ATP6V1A: variants seen among roughly 807,000 people sequenced by gnomAD.
ATP6V1A encodes ATPase H+ transporting V1 subunit A.
In ATP6V1A, 18 loss-of-function variants were observed where a neutral mutation model predicts 70.1. That is an observed-to-expected ratio of 0.26 (90% CI 0.18 to 0.38). ATP6V1A has a LOEUF of 0.38. Among genes scored for constraint, ATP6V1A ranks in the 10% least tolerant of loss-of-function variants. ATP6V1A has a pLI of 1.00. For missense variants in ATP6V1A, 424 were observed against 772.4 expected (o/e 0.55, Z 5.35); for synonymous variants, 232 against 253.8 (o/e 0.91, Z 0.82).
intron 1 of ATP6V1A, among the ~76,000 whole-genome samples, chr3:113,756,433 A>G (rs144212736): frequency 7.9e-5 from 12 of 152,256 alleles, no homozygotes; most frequent in African/African-American, 2.9e-4. Flanking sequence ...ATTGCTCTCC[A>G]ATTTAGGGAT....
intron 12 of ATP6V1A, among the ~76,000 whole-genome samples, chr3:113,802,474 GCGCCCTACCACACCT>G (rs1367666557): frequency 6.6e-6 from 1 of 151,630 alleles, no homozygotes; most frequent in East Asian, 2.0e-4. Context: ...GGGACTACAG[GCGCCCTACCACACCT>G]AGCTAATTTT....
intron 8 of ATP6V1A, among the ~76,000 whole-genome samples, chr3:113,792,353 T>G (rs767453961): frequency 7.9e-5 from 12 of 152,108 alleles, no homozygotes; most frequent in Admixed American, 3.9e-4. Context: ...TTTTTTTTCC[T>G]TAGAGACAGG....
rs376163281 is a variant in ATP6V1A at position 113,757,977 on chromosome 3, C to G, written c.-14+10864C>G. Among the ~76,000 whole-genome samples the G allele has an allele frequency of 1.7e-4, 26 of 152,268 alleles. No individual in the cohort carries two copies. The South Asian group carries it at 2.7e-3, about 16-fold the overall frequency. ...TGGCCAACATGGTGAAACCCCATCT[C>G]TACTGAAAATACAAAAATTAGCTGG... On this transcript the variant is annotated intron_variant, in intron 1 of 14. Coordinates refer to ENST00000273398, the MANE Select transcript of ATP6V1A (RefSeq NM_001690.4).
rs1223587200 is a variant in ATP6V1A, at chr3:113,784,761, C to T, written c.492C>T (p.His164=). 1 of 1,613,958 alleles carries T rather than the reference C, an allele frequency of 6.2e-7. No homozygotes were observed. Among genetic ancestry groups the T allele is most frequent in the Non-Finnish European group, 8.5e-7 (1 of 1,179,978 alleles). Reference sequence around the variant, plus strand: ...TCAGTGAGAACTCGCTTATCAAACACAAAATCATGTTACCCCCACGAAACA... The same window carrying T: ...TCAGTGAGAACTCGCTTATCAAACATAAAATCATGTTACCCCCACGAAACA... The part of the protein sequence containing the change: ...GIVSENSLIK[H]KIMLPPRNRG... Residue 164 remains histidine (H), a synonymous_variant, in exon 5 of 15, where the codon CAC becomes CAT. Transcript: ENST00000273398.
At chr3:113,782,395 C>T (rs1422831216) in intron 3 of ATP6V1A, among the ~76,000 whole-genome samples, 2 of 151,568 alleles carry the variant, frequency 1.3e-5, no homozygotes, top group Admixed American at 6.6e-5. Context: ...TGTATCTAGC[C>T]GTTTATCAAA....
intron 1 of ATP6V1A, among the ~76,000 whole-genome samples, chr3:113,750,586 GT>G (rs1426466351): frequency 6.6e-6 from 1 of 152,230 alleles, no homozygotes; most frequent in Non-Finnish European, 1.5e-5. Context: ...TAGAGACCTA[GT>G]TGAAGTTCTG....
intron 6 of ATP6V1A, among the ~76,000 whole-genome samples, chr3:113,786,907 T>G (rs1709045992): frequency 6.6e-6 from 1 of 151,990 alleles, no homozygotes; most frequent in Non-Finnish European, 1.5e-5. Flanking sequence ...CCCTCCTGAG[T>G]AGCTGGGACC....
intron 1 of ATP6V1A, among the ~76,000 whole-genome samples, chr3:113,751,835 T>G (rs1379531239): frequency 6.6e-6 from 1 of 151,808 alleles, no homozygotes; most frequent in Non-Finnish European, 1.5e-5. Flanking sequence ...TTTAGAATAA[T>G]GATTTATTTA....
At chr3:113,752,965 A>G (rs1305014793) in intron 1 of ATP6V1A, among the ~76,000 whole-genome samples, 1 of 152,164 alleles carries the variant, frequency 6.6e-6, no homozygotes, top group Non-Finnish European at 1.5e-5. Context: ...TAGGAAACCT[A>G]AAAGTCATAA....
At chr3:113,767,838 A>G (rs1425413088) in intron 1 of ATP6V1A, among the ~76,000 whole-genome samples, 3 of 152,136 alleles carry the variant, frequency 2.0e-5, no homozygotes, top group Admixed American at 1.3e-4. Flanking sequence ...TTTTTAGTAG[A>G]GAGAGGGTTT....
At chr3:113,789,001 T>A in intron 7 of ATP6V1A, 126 bp downstream of exon 7, 1 of 849,324 alleles carries the variant, frequency 1.2e-6, no homozygotes, top group South Asian at 1.7e-5. Flanking sequence ...TTAAGGAATT[T>A]TAAAATTATA....
At chr3:113,792,819 G>A (rs1337342554) in intron 8 of ATP6V1A, among the ~76,000 whole-genome samples, 3 of 152,230 alleles carry the variant, frequency 2.0e-5, no homozygotes, top group Middle Eastern at 3.4e-3. Flanking sequence ...TCAAAGATAC[G>A]GAAAAGTTGA....
intron 1 of ATP6V1A, among the ~76,000 whole-genome samples, chr3:113,764,068 T>C (rs1333656553): frequency 1.3e-5 from 2 of 152,000 alleles, no homozygotes; most frequent in Non-Finnish European, 2.9e-5. Flanking sequence ...AATGAGACTT[T>C]GTCTTTACAT....
intron 1 of ATP6V1A, among the ~76,000 whole-genome samples, chr3:113,750,727 TA>T (rs1448409196): frequency 6.6e-6 from 1 of 152,106 alleles, no homozygotes; most frequent in Non-Finnish European, 1.5e-5. Context: ...ACATATTTTG[TA>T]AAAAAAATTT....
At chr3:113,777,942 G>A (rs1333712830) in intron 1 of ATP6V1A, among the ~76,000 whole-genome samples, 1 of 152,178 alleles carries the variant, frequency 6.6e-6, no homozygotes, top group Non-Finnish European at 1.5e-5. Context: ...GGTCATTGAG[G>A]ATGGGCTTGT....
At chr3:113,752,268 T>TA (rs1315577092) in intron 1 of ATP6V1A, among the ~76,000 whole-genome samples, 1 of 151,924 alleles carries the variant, frequency 6.6e-6, no homozygotes, top group Non-Finnish European at 1.5e-5. Flanking sequence ...GTTCTTAGTT[T>TA]AATTTTTTTA....
At chr3:113,759,447 A>C (rs1318814347) in intron 1 of ATP6V1A, among the ~76,000 whole-genome samples, 3 of 151,922 alleles carry the variant, frequency 2.0e-5, no homozygotes, top group African/African-American at 7.2e-5. Context: ...AAATTTTGTA[A>C]AATTTTAAAT....
chr3:113,764,756 T>C (rs1194252329), intron 1 of ATP6V1A, among the ~76,000 whole-genome samples: 1 of 152,092 alleles, frequency 6.6e-6, no homozygotes, highest in African/African-American at 2.4e-5. Context: ...TTTTCCCCCT[T>C]CAGTTTATCA....
At chr3:113,800,453 T>G (rs1420755680) in intron 12 of ATP6V1A, among the ~76,000 whole-genome samples, 2 of 152,110 alleles carry the variant, frequency 1.3e-5, no homozygotes, top group Non-Finnish European at 2.9e-5. Flanking sequence ...AGAATAGAGA[T>G]AGACTTGTGA....
Sources: gnomAD v4.1 joint callset for allele counts (sites outside exome capture counted in the v4.1 genomes callset) on GRCh38, gnomAD v4.1.1 for gene constraint, MANE v1.5 for transcripts, NCBI Gene and HGNC (gene_info 2026-07-23, HGNC 2026-07-21) for gene names.